The following LDB2 variants were observed in gnomAD, a reference collection of about 807,000 sequenced individuals.
LDB2 encodes LIM domain binding 2.
Under a neutral mutation model 44.3 loss-of-function variants are expected in LDB2, and 12 were observed. The observed-to-expected ratio is 0.27, with a 90% CI of 0.17 to 0.44. The LOEUF (loss-of-function observed/expected upper bound fraction) is 0.44, where lower values mean the gene tolerates loss of function less well. Among genes scored for constraint, LDB2 ranks in the 20% least tolerant of loss-of-function variants. The pLI is 1.00. For missense variants in LDB2, 344 were observed against 473.5 expected, an observed-to-expected ratio of 0.73 and a Z score of 2.54; for synonymous variants, 164 against 174.8, an observed-to-expected ratio of 0.94 and a Z score of 0.49.
chr4:16,822,112 A>T (rs371412132), intron 1 of LDB2, among the ~76,000 whole-genome samples: 10 of 50,112 alleles, frequency 2.0e-4, no homozygotes, highest in Admixed American at 6.5e-4. Context: ...TAGGATTGTT[A>T]AAAAAAAAAA....
intron 1 of LDB2, among the ~76,000 whole-genome samples, chr4:16,810,508 G>C (rs898015799): frequency 4.6e-5 from 7 of 152,160 alleles, no homozygotes; most frequent in Non-Finnish European, 1.0e-4. Flanking sequence ...TTGAAAAGAT[G>C]ATGAAAAAGC....
intron 2 of LDB2, among the ~76,000 whole-genome samples, chr4:16,616,925 A>T (rs2152473363): frequency 6.6e-6 from 1 of 152,294 alleles, no homozygotes; most frequent in South Asian, 2.1e-4. Flanking sequence ...CATTCAAATG[A>T]TTGTTAGTAT....
chr4:16,508,184 A>G (rs1720303371), intron 7 of LDB2, among the ~76,000 whole-genome samples: 1 of 152,322 alleles, frequency 6.6e-6, no homozygotes, highest in South Asian at 2.1e-4. Flanking sequence ...AGGGTCTCCA[A>G]TGATGGTGCT....
chr4:16,777,482 G>T lies in LDB2; in HGVS notation c.133-18222C>A, dbSNP rs192641598. 8.5e-5 allele frequency among the ~76,000 whole-genome samples: 13 copies of T among 152,252 alleles called. No individual in the cohort carries two copies. The East Asian group carries it at 2.5e-3, about 29-fold the overall frequency. ...TGGAAGCTGGCGGTGGGAGGCTGAA[G>T]ATGAAGCTGGGGAAGCGCCAGGGCT... On this transcript the variant is annotated intron_variant, in intron 1 of 7. Coordinates refer to ENST00000304523, the MANE Select transcript of LDB2 (RefSeq NM_001290.5).
chr4:16,517,894 GAT>G (rs1475141720), intron 5 of LDB2, among the ~76,000 whole-genome samples: 1 of 149,238 alleles, frequency 6.7e-6, no homozygotes, highest in East Asian at 1.9e-4. Flanking sequence ...TGGATGGATG[GAT>G]GGATGGATGG....
chr4:16,515,867 T>C (rs1723464861), intron 5 of LDB2, among the ~76,000 whole-genome samples: 2 of 151,612 alleles, frequency 1.3e-5, no homozygotes, highest in African/African-American at 4.8e-5. Context: ...TTTATTTATT[T>C]ATTTATTTAT....
At chr4:16,750,864 A>AT (rs934215488) in intron 2 of LDB2, 12 of 152,138 alleles carry the variant, frequency 7.9e-5, no homozygotes, top group Admixed American at 7.2e-4. Flanking sequence ...TTTCTCAATA[A>AT]TTTTTTATTG....
chr4:16,649,032 A>G (rs1010262196), intron 2 of LDB2, among the ~76,000 whole-genome samples: 1 of 152,200 alleles, frequency 6.6e-6, no homozygotes, highest in Non-Finnish European at 1.5e-5. Context: ...TTAGAAAACT[A>G]CTTTCTTATG....
chr4:16,612,213 CA>C (rs1333343839), intron 2 of LDB2, among the ~76,000 whole-genome samples: 5 of 152,150 alleles, frequency 3.3e-5, no homozygotes, highest in African/African-American at 9.7e-5. Flanking sequence ...ACAGCTAAAG[CA>C]GTGTTAAGAG....
chr4:16,569,585 A>G (rs1745675206), intron 5 of LDB2, among the ~76,000 whole-genome samples: 1 of 152,178 alleles, frequency 6.6e-6, no homozygotes, highest in Non-Finnish European at 1.5e-5. Flanking sequence ...GAGTCCTTCA[A>G]ATGGAATACC....
At chr4:16,830,264 C>T (rs1193729229) in intron 1 of LDB2, among the ~76,000 whole-genome samples, 1 of 152,078 alleles carries the variant, frequency 6.6e-6, no homozygotes, top group African/African-American at 2.4e-5. Flanking sequence ...CGGGTGGTTT[C>T]CCCCACGCTG....
intron 5 of LDB2, among the ~76,000 whole-genome samples, chr4:16,585,606 T>C (rs571644744): frequency 6.6e-6 from 1 of 152,248 alleles, no homozygotes; most frequent in East Asian, 1.9e-4. Context: ...CAATAACCCA[T>C]TTGAACTTGA....
At chr4:16,893,440 A>G (rs1420984763) in intron 1 of LDB2, among the ~76,000 whole-genome samples, 2 of 152,144 alleles carry the variant, frequency 1.3e-5, no homozygotes, top group African/African-American at 4.8e-5. Context: ...AATAAACATG[A>G]TGTTACAACG....
chr4:16,612,861 C>T (rs1225066339), intron 2 of LDB2, among the ~76,000 whole-genome samples: 2 of 152,190 alleles, frequency 1.3e-5, no homozygotes, highest in Admixed American at 6.5e-5. Flanking sequence ...ATGAAGCTGG[C>T]ATCATCCTGA....
At chr4:16,509,492 G>C (rs1720868135) in intron 6 of LDB2, among the ~76,000 whole-genome samples, 1 of 152,144 alleles carries the variant, frequency 6.6e-6, no homozygotes, top group African/African-American at 2.4e-5. Context: ...GAGACCCAAG[G>C]TAAAGTGTGA....
At chr4:16,565,478 T>C (rs1436183325) in intron 5 of LDB2, among the ~76,000 whole-genome samples, 1 of 152,098 alleles carries the variant, frequency 6.6e-6, no homozygotes, top group Non-Finnish European at 1.5e-5. Context: ...AGAATAAGAA[T>C]AGATATTACC....
intron 2 of LDB2, among the ~76,000 whole-genome samples, chr4:16,640,626 G>A (rs1017785760): frequency 3.9e-5 from 6 of 152,092 alleles, no homozygotes; most frequent in South Asian, 2.1e-4. Flanking sequence ...AATATAATCC[G>A]CACAGCAAAA....
chr4:16,766,554 G>A (rs1256729210), intron 1 of LDB2, among the ~76,000 whole-genome samples: 1 of 149,418 alleles, frequency 6.7e-6, no homozygotes, highest in Non-Finnish European at 1.5e-5. Flanking sequence ...CACCGAGGCT[G>A]GAGTGCAATG....
At chr4:16,751,150 G>T (rs908463708) in intron 2 of LDB2, among the ~76,000 whole-genome samples, 4 of 152,110 alleles carry the variant, frequency 2.6e-5, no homozygotes, top group Admixed American at 2.6e-4. Context: ...GAACAAGCTC[G>T]TGAGGGCAGT....
Sources: gnomAD v4.1 joint callset for allele counts (sites outside exome capture counted in the v4.1 genomes callset) on GRCh38, gnomAD v4.1.1 for gene constraint, MANE v1.5 for transcripts, NCBI Gene and HGNC (gene_info 2026-07-23, HGNC 2026-07-21) for gene names.